Variants in MROH7 observed in about 807,000 individuals in gnomAD.
MROH7 encodes the protein maestro heat-like repeat-containing protein family member 7.
A neutral mutation model predicts 129.2 loss-of-function variants in MROH7; 113 were observed. The ratio of observed to expected loss-of-function variants is 0.87; its 90% confidence interval spans 0.75 to 1.02. The LOEUF (loss-of-function observed/expected upper bound fraction) is 1.02, where lower values mean the gene tolerates loss of function less well. Among genes scored for constraint, MROH7 ranks in the 50% least tolerant of loss-of-function variants. The pLI is 0.00. For missense variants in MROH7, 1,601 were observed against 1,671.3 expected (o/e 0.96, Z 0.73); for synonymous variants, 655 against 667.9 (o/e 0.98, Z 0.30).
chr1:54,678,876 A>G, intron 11 of MROH7, 22 bp downstream of exon 11: 2 of 1,577,834 alleles, frequency 1.3e-6, no homozygotes, highest in Non-Finnish European at 1.7e-6. Flanking sequence ...GTGCCCATCC[A>G]GGAGCGGAGG....
rs1265703772 is a variant in MROH7, at chr1:54,679,402, C to T, written c.2189C>T (p.Ser730Leu). The T allele has an allele frequency of 8.1e-6, 13 of 1,614,002 alleles. No individual in the cohort carries two copies. The highest frequency in any genetic ancestry group is 2.2e-5 in the East Asian group (1 of 44,880). Residue 730 changes from serine to leucine, a missense_variant, in exon 12 of 24, where the codon TCG (serine) becomes TTG (leucine). Ser to Leu is a moderately radical substitution (Grantham distance 145). Transcript: ENST00000421030. ...MQLASEVMLS[S>L]VLEWYRHRAL... Reference sequence around the variant, plus strand: ...CTGGCCTCGGAGGTCATGCTCAGCTCGGTGCTGGAGTGGTACCGCCACAGG... The same window carrying T: ...CTGGCCTCGGAGGTCATGCTCAGCTTGGTGCTGGAGTGGTACCGCCACAGG...
At chr1:54,694,768 T>C (rs1354061323) in intron 16 of MROH7, among the ~76,000 whole-genome samples, 1 of 152,314 alleles carries the variant, frequency 6.6e-6, no homozygotes, top group Non-Finnish European at 1.5e-5. Context: ...TGGCTTGGGA[T>C]GGTTCACTTC....
Position 54,695,477 on chromosome 1 carries a change from C to G in MROH7, c.2951C>G (p.Ala984Gly). 6.2e-7 allele frequency: 1 copy of G among 1,613,328 alleles called. No homozygotes were observed. The highest frequency in any genetic ancestry group is 1.3e-5 in the African/African-American group (1 of 75,046). Residue 984 changes from alanine to glycine, a missense_variant, in exon 17 of 24, where the codon GCC (alanine) becomes GGC (glycine). Coordinates refer to ENST00000421030, the MANE Select transcript of MROH7 (RefSeq NM_001039464.4). The stretch of plus-strand genomic sequence containing the variant: ...GAGAAGCACAGGATCACGGCCACCG[C>G]CTTCTTCGTGGAGGTACCAACGGGG... ...GDEKHRITAT[A>G]FFVELLQMEQ... is the part of the protein sequence containing the mutation.
Position 54,682,808 on chromosome 1 carries a change from C to T in MROH7, c.2520+14C>T, listed in dbSNP as rs2101139268. 1 of 1,607,296 alleles carries T rather than the reference C, an allele frequency of 6.2e-7. No individual in the cohort carries two copies. Among genetic ancestry groups the T allele is most frequent in the South Asian group, 1.1e-5 (1 of 90,566 alleles). On this transcript the variant is annotated intron_variant, in intron 14 of 23. Coordinates refer to ENST00000421030, the MANE Select transcript of MROH7 (RefSeq NM_001039464.4). The stretch of plus-strand genomic sequence containing the variant: ...GTGCCCCTGGCGGTGAGCACCCAGT[C>T]AGCCAGCCCCTATTGCTGCCTGTCC...
Position 54,676,446 on chromosome 1 carries a change from G to A in MROH7, c.1936+2295G>A, listed in dbSNP as rs1195634517. On this transcript the variant is annotated intron_variant, in intron 10 of 23. Transcript: ENST00000421030. ...ATTTTTTGAGATGGAGTGTAGCTCT[G>A]TTGCCCAGGCTGGATTGCAGTGGCA... Among the ~76,000 whole-genome samples, 4 of 152,082 alleles carry A rather than the reference G, an allele frequency of 2.6e-5. No homozygotes were observed. In the East Asian group the frequency reaches 7.7e-4, roughly 29 times the overall value.
At chr1:54,667,510 C>T (rs1644832067) in intron 4 of MROH7, among the ~76,000 whole-genome samples, 4 of 151,850 alleles carry the variant, frequency 2.6e-5, no homozygotes, top group Admixed American at 2.0e-4. Context: ...GGCTGGAGTG[C>T]AATGGTGTGA....
intron 9 of MROH7, 68 bp from the exon 10 acceptor site, chr1:54,673,948 G>A: frequency 1.3e-6 from 2 of 1,581,112 alleles, no homozygotes; most frequent in Non-Finnish European, 1.7e-6. Context: ...ATCCACCGGT[G>A]TTCACCATTT....
rs774157644 is a variant in MROH7, at chr1:54,665,170, C to A, written c.1235C>A (p.Ala412Asp). 1.2e-6 allele frequency: 2 copies of A among 1,613,644 alleles called. No individual in the cohort carries two copies. The highest frequency in any genetic ancestry group is 2.2e-5 in the South Asian group (2 of 91,054). Residue 412 changes from alanine (A) to aspartate (D), a missense_variant, in exon 4 of 24, where the codon GCC becomes GAC. Transcript: ENST00000421030. ...TCATTGAAATCGTGCCCTGCAGGAG[C>A]CTTTGATGAAGTGACCTCATGCCTG... ...AVTLQGIPEG[A>D]FDEVTSCLVK...
Position 54,653,814 on chromosome 1 carries a change from G to A in MROH7, c.888G>A (p.Ser296=), listed in dbSNP as rs147105308. 160 of 1,614,076 alleles carry A rather than the reference G, an allele frequency of 9.9e-5. No homozygotes were observed. In the African/African-American group the frequency reaches 1.3e-3, roughly 13 times the overall value. The change falls in exon 3 of 24, where the codon TCG becomes TCA. Residue 296 remains serine, a synonymous_variant. Coordinates refer to ENST00000421030, the MANE Select transcript of MROH7 (RefSeq NM_001039464.4). ...SDLSVTITQA[S]YVTLIPGSSY... Reference sequence around the variant, plus strand: ...TGAGCGTGACCATCACTCAAGCCTCGTATGTGACCCTGATTCCTGGCTCCA... The same window carrying A: ...TGAGCGTGACCATCACTCAAGCCTCATATGTGACCCTGATTCCTGGCTCCA...
At chr1:54,673,026 G>C in intron 7 of MROH7, 65 bp from the exon 8 acceptor site, 1 of 1,228,150 alleles carries the variant, frequency 8.1e-7, no homozygotes, top group South Asian at 1.2e-5. Context: ...CTACACCAGG[G>C]GCCGCCTGGG....
chr1:54,690,423 T>G (rs1645214895), intron 15 of MROH7, among the ~76,000 whole-genome samples: 1 of 151,422 alleles, frequency 6.6e-6, no homozygotes, highest in Non-Finnish European at 1.5e-5. Flanking sequence ...CAGTTCTGAG[T>G]TCAGAAGTTC....
At chr1:54,688,890 A>T (rs1327434642) in intron 15 of MROH7, among the ~76,000 whole-genome samples, 1 of 152,230 alleles carries the variant, frequency 6.6e-6, no homozygotes, top group Non-Finnish European at 1.5e-5. Context: ...CTGCCAATGC[A>T]GAGGGCATGG....
intron 3 of MROH7, among the ~76,000 whole-genome samples, chr1:54,662,234 C>A (rs1019123764): frequency 6.6e-6 from 1 of 150,400 alleles, no homozygotes; most frequent in African/African-American, 2.4e-5. Flanking sequence ...CAAAACAAAA[C>A]AAAACTTAGA....
chr1:54,665,726 G>A (rs947012155), intron 4 of MROH7: 1 of 157,264 alleles, frequency 6.4e-6, no homozygotes, highest in African/African-American at 2.4e-5. Flanking sequence ...CAGTGGGGAA[G>A]ACTAGACAAA....
chr1:54,654,150 C>A lies in MROH7; in HGVS notation c.1224C>A (p.Ile408=). ...AGKDAVTLQG[I]PEGAFDEVTS... ...AGGACGCCGTGACCTTGCAAGGCAT[C>A]CCTGAGGGTAAGGCCAGGGCCGCAG... Residue 408 remains isoleucine (I), a synonymous_variant, in exon 3 of 24, where the codon ATC becomes ATA. Coordinates refer to ENST00000421030, the MANE Select transcript of MROH7 (RefSeq NM_001039464.4). 1 of 1,607,788 alleles carries A rather than the reference C, an allele frequency of 6.2e-7. No homozygotes were observed. The highest frequency in any genetic ancestry group is 8.5e-7 in the Non-Finnish European group (1 of 1,177,074).
At chr1:54,645,274 A>AT (rs373063104) in intron 1 of MROH7, among the ~76,000 whole-genome samples, 23 of 149,960 alleles carry the variant, frequency 1.5e-4, no homozygotes, top group African/African-American at 2.9e-4. Flanking sequence ...TTACATTAAG[A>AT]TTTTTTTTTT....
At chr1:54,673,250 G>A (rs1197501463) in intron 8 of MROH7, 64 bp downstream of exon 8, 3 of 1,315,394 alleles carry the variant, frequency 2.3e-6, no homozygotes, top group African/African-American at 2.9e-5. Flanking sequence ...AGAAATTGGT[G>A]CAGGAGCAGT....
At chr1:54,659,660 T>C (rs1644703019) in intron 3 of MROH7, among the ~76,000 whole-genome samples, 1 of 152,124 alleles carries the variant, frequency 6.6e-6, no homozygotes, top group Non-Finnish European at 1.5e-5. Context: ...TGCATGTTGG[T>C]CAGGCTGGTC....
At chr1:54,709,213 GT>G in intron 23 of MROH7, 137 bp downstream of exon 23, 1 of 507,200 alleles carries the variant, frequency 2.0e-6, no homozygotes. Flanking sequence ...CTAGTTTTTT[GT>G]TTGTTTGTTT....
Sources: gnomAD v4.1 joint callset for allele counts (sites outside exome capture counted in the v4.1 genomes callset) on GRCh38, gnomAD v4.1.1 for gene constraint, MANE v1.5 for transcripts, NCBI Gene and HGNC (gene_info 2026-07-23, HGNC 2026-07-21) for gene names.